Variants in ECI2 observed in about 807,000 individuals in gnomAD.
ECI2 encodes the protein D3,D2-enoyl-CoA isomerase.
A neutral mutation model predicts 38.4 loss-of-function variants in ECI2; 27 were observed. That is an observed-to-expected ratio of 0.70 (90% CI 0.52 to 0.97). The LOEUF is 0.97. Among genes scored for constraint, ECI2 ranks in the 50% least tolerant of loss-of-function variants. ECI2 has a pLI of 0.00. For synonymous variants in ECI2, 168 were observed against 172.0 expected (o/e 0.98, Z 0.18); for missense variants, 470 against 474.4 (o/e 0.99, Z 0.09).
At chr6:4,125,982 G>C in intron 6 of ECI2, 153 bp downstream of exon 6, 1 of 701,526 alleles carries the variant, frequency 1.4e-6, no homozygotes, top group Non-Finnish European at 2.6e-6. Flanking sequence ...GCCCACCTAT[G>C]GATGGAGGCA....
chr6:4,117,213 C>T, intron 9 of ECI2, 95 bp downstream of exon 9: 1 of 1,456,610 alleles, frequency 6.9e-7, no homozygotes, highest in Non-Finnish European at 9.2e-7. Flanking sequence ...AAAGATGTGT[C>T]TTGTGCTTTT....
intron 7 of ECI2, among the ~76,000 whole-genome samples, chr6:4,124,594 G>A (rs1292033722): frequency 1.3e-5 from 2 of 152,220 alleles, no homozygotes; most frequent in South Asian, 2.1e-4. Flanking sequence ...TAACCCAAAC[G>A]TTAGGACTGG....
Position 4,127,797 on chromosome 6 carries a change from G to A in ECI2, c.536C>T (p.Ala179Val). 1 of 1,613,010 alleles carries A rather than the reference G, an allele frequency of 6.2e-7. No individual in the cohort carries two copies. The change falls in exon 5 of 10, where the codon GCC becomes GTC. Residue 179 changes from alanine (A) to valine (V), a missense_variant. Ala to Val is a moderately conservative substitution (Grantham distance 64). Coordinates refer to ENST00000380118, the MANE Select transcript of ECI2 (RefSeq NM_206836.3). ...AGTGATGATTGAGTCATCCTTGCTGGCAGCTTTAAGTGCACGCATAATTTC... is the reference window on the plus strand; with the variant it reads ...AGTGATGATTGAGTCATCCTTGCTGACAGCTTTAAGTGCACGCATAATTTC... Reference protein sequence around the residue: ...YHEIMRALKAASKDDSIITVL... With the variant: ...YHEIMRALKAVSKDDSIITVL...
chr6:4,116,377 G>C (rs1444018316), intron 9 of ECI2, among the ~76,000 whole-genome samples: 1 of 151,716 alleles, frequency 6.6e-6, no homozygotes, highest in East Asian at 1.9e-4. Flanking sequence ...TAATCTAATA[G>C]GAGTGAGATT....
chr6:4,117,073 C>A (rs1772326935), intron 9 of ECI2, among the ~76,000 whole-genome samples: 1 of 135,050 alleles, frequency 7.4e-6, no homozygotes. Context: ...AATCCCCATA[C>A]AGAATTGCCC....
intron 7 of ECI2, among the ~76,000 whole-genome samples, chr6:4,122,698 A>G (rs1378397304): frequency 2.4e-4 from 34 of 141,894 alleles, no homozygotes; most frequent in East Asian, 1.5e-3. Flanking sequence ...GTTTCACCAC[A>G]TTGGCCAGGC....
rs531180504 is a variant in ECI2 at position 4,135,318 on chromosome 6, G to A, written c.50+193C>T. On this transcript the variant is annotated intron_variant, in intron 1 of 9. Transcript: ENST00000380118. ...CCGACGCGCCCATCCTGACCACTCC[G>A]GGCCCAGCGGTGCAGGAGGGCGCGC... 76 of 1,444,186 alleles carry A rather than the reference G, an allele frequency of 5.3e-5. No individual in the cohort carries two copies. The African/African-American group carries it at 9.4e-4, about 18-fold the overall frequency. 89.5% of individuals were successfully genotyped at this position (1,444,186 alleles called of 1,614,324 possible). A position where few individuals can be genotyped will look rare whatever the true frequency, so the allele number is the denominator to read the frequency against.
chr6:4,121,743 A>G (rs559267757), intron 7 of ECI2, among the ~76,000 whole-genome samples: 84 of 151,756 alleles, frequency 5.5e-4, no homozygotes, highest in African/African-American at 2.0e-3. Context: ...CTTAATGAAT[A>G]AATTATGAAA....
intron 7 of ECI2, among the ~76,000 whole-genome samples, chr6:4,122,379 C>A (rs1233996072): frequency 6.6e-6 from 1 of 152,114 alleles, no homozygotes; most frequent in African/African-American, 2.4e-5. Flanking sequence ...CACCACCACA[C>A]CCAGCTCATT....
chr6:4,117,798 GA>G (rs968627793), intron 8 of ECI2: 1 of 172,324 alleles, frequency 5.8e-6, no homozygotes, highest in East Asian at 1.6e-4. Flanking sequence ...TTTTACAGAG[GA>G]AAAAAGGAGA....
intron 2 of ECI2, 67 bp from the exon 3 acceptor site, chr6:4,130,932 C>T: frequency 2.0e-6 from 3 of 1,481,724 alleles, no homozygotes; most frequent in Non-Finnish European, 2.8e-6. Context: ...TATTTAAGAT[C>T]CATAAAATCT....
intron 2 of ECI2, among the ~76,000 whole-genome samples, 163 bp downstream of exon 2, chr6:4,133,386 T>C (rs1773581281): frequency 1.3e-5 from 2 of 152,040 alleles, no homozygotes; most frequent in Non-Finnish European, 2.9e-5. Flanking sequence ...AGGTCTAATA[T>C]AAAAAACTGG....
Position 4,124,587 on chromosome 6 carries a change from C to T in ECI2, c.795+663G>A, listed in dbSNP as rs149722456. 3.8e-3 allele frequency among the ~76,000 whole-genome samples: 571 copies of T among 152,166 alleles called. 6 individuals carry two copies. Among genetic ancestry groups the T allele is most frequent in the Admixed American group, 6.6e-3 (101 of 15,292 alleles). ...CTGGTTAAACAAGATAAGTTAATAA[C>T]CCAAACGTTAGGACTGGTTATCTCT... On this transcript the variant is annotated intron_variant, in intron 7 of 9. Transcript: ENST00000380118.
At chr6:4,134,574 T>TCCAAATAA (rs1209705100) in intron 1 of ECI2, among the ~76,000 whole-genome samples, 4 of 152,136 alleles carry the variant, frequency 2.6e-5, no homozygotes, top group Admixed American at 2.6e-4. Flanking sequence ...ATAATACAGG[T>TCCAAATAA]TACAAAGCCC....
rs899968148 is a variant in ECI2 at position 4,128,927 on chromosome 6, T to C, written c.502-1096A>G. Among the ~76,000 whole-genome samples, 5 of 152,182 alleles carry C rather than the reference T, an allele frequency of 3.3e-5. No homozygotes were observed. The East Asian group carries it at 9.6e-4, about 29-fold the overall frequency. ...CTGTACATGAATAAGCGTTTAAGCATTTCTCCTGAGGGAAGTGATAAGGAA... is the reference window on the plus strand; with the variant it reads ...CTGTACATGAATAAGCGTTTAAGCACTTCTCCTGAGGGAAGTGATAAGGAA... On this transcript the variant is annotated intron_variant, in intron 4 of 9. Coordinates refer to ENST00000380118, the MANE Select transcript of ECI2 (RefSeq NM_206836.3).
intron 1 of ECI2, chr6:4,135,124 A>C (rs1013952519): frequency 4.0e-6 from 2 of 505,348 alleles, no homozygotes; most frequent in Admixed American, 4.6e-5. Context: ...CCTCGCTTTT[A>C]GCAAGCGACG....
At chr6:4,135,487 G>T (rs780705359) in intron 1 of ECI2, 24 bp downstream of exon 1, 1 of 1,607,350 alleles carries the variant, frequency 6.2e-7, no homozygotes, top group South Asian at 1.1e-5. Context: ...ACCATGGGCC[G>T]AACGGCCGGG....
At chr6:4,127,291 T>C (rs1773224122) in intron 5 of ECI2, among the ~76,000 whole-genome samples, 1 of 152,152 alleles carries the variant, frequency 6.6e-6, no homozygotes, top group Non-Finnish European at 1.5e-5. Context: ...GGTGGACATA[T>C]GTGTCTTAAT....
intron 8 of ECI2, chr6:4,118,852 T>C: frequency 5.4e-6 from 1 of 184,298 alleles, no homozygotes; most frequent in Non-Finnish European, 1.1e-5. Context: ...CAAGGGAGGC[T>C]GGCACAGCCC....
Sources: gnomAD v4.1 joint callset for allele counts (sites outside exome capture counted in the v4.1 genomes callset) on GRCh38, gnomAD v4.1.1 for gene constraint, MANE v1.5 for transcripts, NCBI Gene and HGNC (gene_info 2026-07-23, HGNC 2026-07-21) for gene names.